Variants in ADARB2 observed in about 807,000 individuals in gnomAD.
ADARB2 encodes the protein inactive double-stranded RNA-specific editase B2.
ADARB2 carries 25 observed loss-of-function variants against 62.2 expected under a neutral mutation model. That is an observed-to-expected ratio of 0.40 (90% CI 0.29 to 0.56). The LOEUF is 0.56. Among genes scored for constraint, ADARB2 ranks in the 20% least tolerant of loss-of-function variants. The probability of loss-of-function intolerance (pLI) is 0.43; values close to 1 mark genes in which losing one functional copy is unlikely to be tolerated. For synonymous variants in ADARB2, 572 were observed against 500.8 expected (o/e 1.14, Z -1.90); for missense variants, 1,071 against 1,077.4 (o/e 0.99, Z 0.08).
intron 1 of ADARB2, among the ~76,000 whole-genome samples, chr10:1,434,394 G>C (rs532733690): frequency 9.4e-4 from 143 of 152,342 alleles, no homozygotes; most frequent in Admixed American, 1.6e-3. Context: ...CCTCAGATGT[G>C]TGGGTGTGGC....
intron 2 of ADARB2, among the ~76,000 whole-genome samples, chr10:1,367,571 AGT>A (rs1832324078): frequency 6.6e-6 from 1 of 152,134 alleles, no homozygotes; most frequent in Admixed American, 6.5e-5. Context: ...TCTACTGTTG[AGT>A]GTGTTTCAGG....
At chr10:1,232,857 C>T (rs184683770) in intron 6 of ADARB2, among the ~76,000 whole-genome samples, 4,423 of 132,098 alleles carry the variant, frequency 0.033, 219 homozygotes, top group African/African-American at 0.12. Context: ...ATGTGGTATG[C>T]GTGTAGTGTA....
Position 1,437,219 on chromosome 10 carries a change from C to CATAT in ADARB2, c.101-58063_101-58060dup, listed in dbSNP as rs200361666. 3.3e-4 allele frequency among the ~76,000 whole-genome samples: 50 copies of CATAT among 150,672 alleles called. 1 individual carries two copies. The South Asian group carries it at 9.6e-3, about 29-fold the overall frequency. On this transcript the variant is annotated intron_variant, in intron 1 of 9. Transcript: ENST00000381312. Reference sequence around the variant, plus strand: ...TGTCTTCCAAAAATAATTTGGTATACATATATATATATACACACACACACA... The same window carrying CATAT: ...TGTCTTCCAAAAATAATTTGGTATACATATATATATATATATACACACACACACA...
At chr10:1,469,199 ACAG>A (rs1831292408) in intron 1 of ADARB2, among the ~76,000 whole-genome samples, 1 of 152,166 alleles carries the variant, frequency 6.6e-6, no homozygotes, top group Admixed American at 6.5e-5. Flanking sequence ...GGATGTTTCT[ACAG>A]CAGAACTAAC....
At chr10:1,568,209 G>C (rs1832882616) in intron 1 of ADARB2, among the ~76,000 whole-genome samples, 1 of 152,212 alleles carries the variant, frequency 6.6e-6, no homozygotes, top group African/African-American at 2.4e-5. Context: ...CAGAGGCTTG[G>C]CCAGGCCTCC....
chr10:1,414,533 A>C (rs1832785796), intron 1 of ADARB2, among the ~76,000 whole-genome samples: 1 of 152,172 alleles, frequency 6.6e-6, no homozygotes, highest in African/African-American at 2.4e-5. Flanking sequence ...CCTGCTCTCC[A>C]TTATCTCAGG....
At position 1,183,243 on chromosome 10, in the gene ADARB2, T is replaced by G; in HGVS notation, c.2170A>C (p.Thr724Pro). The change falls in exon 10 of 10, where the codon ACC becomes CCC. Residue 724 changes from threonine (T) to proline (P), a missense_variant. Transcript: ENST00000381312. ...TGCTCCGGTGGTTTCCTCACCCAGGTGCCCAGGCCAGCCTTCTGAAAGGCC... is the reference window on the plus strand; with the variant it reads ...TGCTCCGGTGGTTTCCTCACCCAGGGGCCCAGGCCAGCCTTCTGAAAGGCC... ...FKAFQKAGLG[T>P]WVRKPPEQQQ... 6.2e-7 allele frequency: 1 copy of G among 1,613,952 alleles called. No homozygotes were observed. The highest frequency in any genetic ancestry group is 8.5e-7 in the Non-Finnish European group (1 of 1,180,006).
intron 1 of ADARB2, among the ~76,000 whole-genome samples, chr10:1,530,914 T>C (rs1035528070): frequency 8.6e-5 from 13 of 151,100 alleles, no homozygotes; most frequent in Non-Finnish European, 1.5e-4. Flanking sequence ...AGCACTCAGG[T>C]CTCAGCACTC....
In ADARB2 at chr10:1,281,450, G is replaced by A. The variant is rs138599100; in HGVS notation, c.1078-10381C>T. ...AGGAGGCCCAGGCAAAGCACCATGC[G>A]CTTATATGCTTTGTGCTGGTCGATC... On this transcript the variant is annotated intron_variant, in intron 3 of 9. Transcript: ENST00000381312. Among the ~76,000 whole-genome samples, 5 of 152,362 alleles carry A rather than the reference G, an allele frequency of 3.3e-5. No homozygotes were observed. The East Asian group carries it at 7.7e-4, about 23-fold the overall frequency.
chr10:1,337,514 C>T (rs774781124), intron 3 of ADARB2, among the ~76,000 whole-genome samples: 2 of 152,186 alleles, frequency 1.3e-5, no homozygotes, highest in Non-Finnish European at 2.9e-5. Context: ...AATAAAACTT[C>T]AGCTGACACA....
At chr10:1,241,561 C>G (rs1589163023) in intron 5 of ADARB2, among the ~76,000 whole-genome samples, 1 of 152,180 alleles carries the variant, frequency 6.6e-6, no homozygotes, top group African/African-American at 2.4e-5. Flanking sequence ...GTGCTGCAAA[C>G]CACCTGGGTT....
chr10:1,228,216 G>A (rs1830765644), intron 6 of ADARB2, among the ~76,000 whole-genome samples: 1 of 152,128 alleles, frequency 6.6e-6, no homozygotes, highest in African/African-American at 2.4e-5. Context: ...ATTTTTCTTG[G>A]CATTTTCTGG....
Position 1,183,111 on chromosome 10 carries a change from G to A in ADARB2, c.*82C>T, listed in dbSNP as rs1041785525. ...CAAAGTAAAACGAATGCAGGGAACC[G>A]GCCGACCCGCCACGTCGCCCCCCAG... On this transcript the variant is annotated 3_prime_UTR_variant, in exon 10 of 10. Transcript: ENST00000381312. 3.2e-5 allele frequency: 48 copies of A among 1,505,566 alleles called. No homozygotes were observed. The highest frequency in any genetic ancestry group is 2.5e-4 in the Middle Eastern group (1 of 4,078). 93.3% of individuals were successfully genotyped at this position (1,505,566 alleles called of 1,614,324 possible).
At chr10:1,250,339 G>C (rs1005520906) in intron 4 of ADARB2, among the ~76,000 whole-genome samples, 1 of 152,058 alleles carries the variant, frequency 6.6e-6, no homozygotes, top group African/African-American at 2.4e-5. Context: ...GGAGGTGTTT[G>C]GGTCATGGGG....
At chr10:1,567,145 G>T (rs1350557479) in intron 1 of ADARB2, among the ~76,000 whole-genome samples, 1 of 152,132 alleles carries the variant, frequency 6.6e-6, no homozygotes, top group East Asian at 1.9e-4. Flanking sequence ...GTGACTGGGG[G>T]TCCCTGTGAT....
At chr10:1,676,303 C>T (rs968865384) in intron 1 of ADARB2, among the ~76,000 whole-genome samples, 1 of 152,118 alleles carries the variant, frequency 6.6e-6, no homozygotes, top group African/African-American at 2.4e-5. Context: ...CCTCTAGACG[C>T]CCCCACCCAG....
intron 1 of ADARB2, among the ~76,000 whole-genome samples, chr10:1,549,197 TG>T (rs1832574697): frequency 5.5e-4 from 1 of 1,806 alleles, no homozygotes; most frequent in Admixed American, 7.1e-3. Flanking sequence ...TGGAGTGGGG[TG>T]GGGCGTGGAG....
intron 1 of ADARB2, among the ~76,000 whole-genome samples, chr10:1,401,884 G>A (rs558434161): frequency 5.9e-5 from 9 of 152,186 alleles, no homozygotes; most frequent in Non-Finnish European, 1.2e-4. Flanking sequence ...TTCCACGAGC[G>A]TGTACTTGTG....
chr10:1,685,844 C>G (rs906661781), intron 1 of ADARB2, among the ~76,000 whole-genome samples: 16 of 152,230 alleles, frequency 1.1e-4, no homozygotes, highest in African/African-American at 3.9e-4. Flanking sequence ...TGGGGCTGGG[C>G]TGGGGGAACA....
Sources: gnomAD v4.1 joint callset for allele counts (sites outside exome capture counted in the v4.1 genomes callset) on GRCh38, gnomAD v4.1.1 for gene constraint, MANE v1.5 for transcripts, NCBI Gene and HGNC (gene_info 2026-07-23, HGNC 2026-07-21) for gene names.